COL23A1: variants seen among roughly 807,000 people sequenced by gnomAD.
COL23A1 encodes the protein collagen type XXIII alpha 1 chain, also known as collagen alpha-1(XXIII) chain.
COL23A1 carries 97 observed loss-of-function variants against 99.3 expected under a neutral mutation model. The observed-to-expected ratio is 0.98, with a 90% confidence interval of 0.83 to 1.16. COL23A1 has a LOEUF of 1.16. Ranked by LOEUF, COL23A1 falls within the 50% of genes most tolerant of loss-of-function variation. COL23A1 has a pLI of 0.00. For synonymous variants in COL23A1, 320 were observed against 308.2 expected (o/e 1.04, Z -0.40); for missense variants, 762 against 757.4 (o/e 1.01, Z -0.07).
At chr5:178,410,139 T>G (rs1213095645) in intron 2 of COL23A1, among the ~76,000 whole-genome samples, 1 of 152,190 alleles carries the variant, frequency 6.6e-6, no homozygotes, top group African/African-American at 2.4e-5. Context: ...GCTTACATAA[T>G]ACAGTATGAA....
At chr5:178,505,235 T>C (rs771570449) in intron 2 of COL23A1, among the ~76,000 whole-genome samples, 5 of 149,594 alleles carry the variant, frequency 3.3e-5, no homozygotes, top group Non-Finnish European at 4.5e-5. Context: ...AGGGTGTGTG[T>C]GTGTCTAAAT....
In COL23A1 at chr5:178,281,713, T is replaced by C. The variant is rs1328893881; in HGVS notation, c.441+6611A>G. 3.3e-5 allele frequency among the ~76,000 whole-genome samples: 5 copies of C among 152,208 alleles called. No individual in the cohort carries two copies. The highest frequency in any genetic ancestry group is 1.2e-4 in the African/African-American group (5 of 41,450). On this transcript the variant is annotated intron_variant, in intron 5 of 28. Transcript: ENST00000390654. This position sits in a 1 kb window ranked among gnomAD's most constrained non-coding sequence, Gnocchi z 4.0. ...GTAGCCAAGGAGGCCTTTTCTACTT[T>C]TTAATAATTAATTGATTGATTTAAA...
rs1005977767 is a variant in COL23A1 at position 178,590,199 on chromosome 5, G to A, written c.-2C>T. 4.1e-6 allele frequency: 5 copies of A among 1,212,890 alleles called. No homozygotes were observed. In the Admixed American group the frequency reaches 1.3e-4, roughly 32 times the overall value. The allele number at this position is 1,212,890 out of a possible 1,614,324, so 75.1% of individuals were successfully genotyped here. On this transcript the variant is annotated 5_prime_UTR_variant, in exon 1 of 29. Transcript: ENST00000390654. The surrounding 1 kb of genome is among the most constrained non-coding windows in gnomAD (Gnocchi z 5.7). ...ACCGGCGCGCTCGCCTGGGCCCATG[G>A]CGCGTTCGTCGCGCGTGGACTCTCC...
chr5:178,399,920 G>T (rs928276469), intron 2 of COL23A1, among the ~76,000 whole-genome samples: 1 of 152,158 alleles, frequency 6.6e-6, no homozygotes, highest in Admixed American at 6.5e-5. Flanking sequence ...GGATCCACCC[G>T]CGTCCATGCC....
chr5:178,282,050 T>A (rs1482104584), intron 5 of COL23A1, among the ~76,000 whole-genome samples: 2 of 26,566 alleles, frequency 7.5e-5, no homozygotes, highest in African/African-American at 1.6e-4. Context: ...AGACACTGTC[T>A]CCAAAAAAAA....
intron 2 of COL23A1, among the ~76,000 whole-genome samples, chr5:178,405,899 T>TA (rs1374248037): frequency 6.6e-6 from 1 of 152,192 alleles, no homozygotes; most frequent in Non-Finnish European, 1.5e-5. Context: ...GGTCAGGAGT[T>TA]AGAGATCAGC....
intron 2 of COL23A1, among the ~76,000 whole-genome samples, chr5:178,474,560 T>C (rs1002321969): frequency 6.6e-6 from 1 of 152,250 alleles, no homozygotes; most frequent in African/African-American, 2.4e-5. Context: ...AATCAGTGAA[T>C]TTGTCGTATT....
Position 178,306,962 on chromosome 5 carries a change from A to C in COL23A1, c.362-43T>G. 7.0e-7 allele frequency: 1 copy of C among 1,428,568 alleles called. No individual in the cohort carries two copies. The highest frequency in any genetic ancestry group is 9.3e-7 in the Non-Finnish European group (1 of 1,079,804). 88.5% of individuals were successfully genotyped at this position (1,428,568 alleles called of 1,614,324 possible). On this transcript the variant is annotated intron_variant, in intron 2 of 28. Transcript: ENST00000390654. This position sits in a 1 kb window ranked among gnomAD's most constrained non-coding sequence, Gnocchi z 4.1. ...AATGCATTCATTGAGAAGGGAAGCCAGTGGACTTGGCTGCGTGGGGCATGC... is the reference window on the plus strand; with the variant it reads ...AATGCATTCATTGAGAAGGGAAGCCCGTGGACTTGGCTGCGTGGGGCATGC...
chr5:178,483,171 A>G (rs1757432046), intron 2 of COL23A1, among the ~76,000 whole-genome samples: 1 of 152,242 alleles, frequency 6.6e-6, no homozygotes, highest in African/African-American at 2.4e-5. Flanking sequence ...CAGGTCACTG[A>G]TGACCATCTT....
intron 3 of COL23A1, among the ~76,000 whole-genome samples, chr5:178,302,226 C>T (rs71594788): frequency 1.6e-5 from 1 of 61,850 alleles, no homozygotes. Context: ...CTGTGTGCGC[C>T]GGAGCACAGC....
chr5:178,402,728 G>T (rs1210984014), intron 2 of COL23A1, among the ~76,000 whole-genome samples: 1 of 151,736 alleles, frequency 6.6e-6, no homozygotes, highest in African/African-American at 2.4e-5. Context: ...CTTAAAAAAA[G>T]AAAGAAAAAA....
chr5:178,464,281 A>G lies in COL23A1; in HGVS notation c.361+96401T>C, dbSNP rs370360884. 2.6e-5 allele frequency among the ~76,000 whole-genome samples: 4 copies of G among 151,224 alleles called. No individual in the cohort carries two copies. The East Asian group carries it at 7.8e-4, about 29-fold the overall frequency. On this transcript the variant is annotated intron_variant, in intron 2 of 28. Transcript: ENST00000390654. ...CTCTATGAATTTCACTACTCTAGGG[A>G]CCTCCTATGCGTAAAATCGTGCAGT...
chr5:178,255,367 C>T lies in COL23A1; in HGVS notation c.883-341G>A, dbSNP rs527880971. ...TGGCAACAAACAGAAAAGCCCCAAACCCTCCAAAACACAAAGACATGAGCA... is the reference window on the plus strand; with the variant it reads ...TGGCAACAAACAGAAAAGCCCCAAATCCTCCAAAACACAAAGACATGAGCA... On this transcript the variant is annotated intron_variant, in intron 15 of 28. Transcript: ENST00000390654. This position sits in a 1 kb window ranked among gnomAD's most constrained non-coding sequence, Gnocchi z 4.2. 5.3e-5 allele frequency among the ~76,000 whole-genome samples: 8 copies of T among 152,344 alleles called. No homozygotes were observed. Among genetic ancestry groups the T allele is most frequent in the African/African-American group, 1.9e-4 (8 of 41,578 alleles).
intron 2 of COL23A1, among the ~76,000 whole-genome samples, chr5:178,517,334 A>G (rs1759576812): frequency 1.3e-5 from 2 of 152,156 alleles, no homozygotes; most frequent in African/African-American, 4.8e-5. Context: ...CCCACACCAA[A>G]GGCACAGTGG....
intron 2 of COL23A1, among the ~76,000 whole-genome samples, chr5:178,412,437 T>C (rs1309437987): frequency 2.6e-5 from 4 of 152,350 alleles, no homozygotes; most frequent in African/African-American, 9.6e-5. Context: ...TACCACTAAA[T>C]ATAAACAAAT....
In COL23A1 at chr5:178,306,384, C is replaced by T. The variant is rs1004708453; in HGVS notation, c.406+491G>A. On this transcript the variant is annotated intron_variant, in intron 3 of 28. Coordinates refer to ENST00000390654, the MANE Select transcript of COL23A1 (RefSeq NM_173465.4). This position sits in a 1 kb window ranked among gnomAD's most constrained non-coding sequence, Gnocchi z 4.1. ...GGGGGAGTTCTGGGTGAAGCAGAGA[C>T]AGCAGGAAGGAAGGGTGGTGAATAC... Among the ~76,000 whole-genome samples the T allele has an allele frequency of 8.6e-5, 13 of 151,786 alleles. No homozygotes were observed. The highest frequency in any genetic ancestry group is 1.9e-4 in the Non-Finnish European group (13 of 67,922).
intron 2 of COL23A1, among the ~76,000 whole-genome samples, chr5:178,397,218 C>T (rs1404905195): frequency 1.3e-5 from 2 of 152,216 alleles, no homozygotes; most frequent in Non-Finnish European, 2.9e-5. Context: ...CTGCCGCCAC[C>T]AACATCCACT....
intron 22 of COL23A1, among the ~76,000 whole-genome samples, chr5:178,247,159 GAT>G (rs1764743328): frequency 1.4e-5 from 2 of 143,226 alleles, no homozygotes; most frequent in Non-Finnish European, 3.1e-5. Flanking sequence ...CTGAGAGACA[GAT>G]GTGTGTGGGG....
At chr5:178,406,730 C>A (rs1309009729) in intron 2 of COL23A1, among the ~76,000 whole-genome samples, 1 of 152,126 alleles carries the variant, frequency 6.6e-6, no homozygotes, top group African/African-American at 2.4e-5. Flanking sequence ...GCCTGGCTAC[C>A]TACACTCTTT....
Sources: gnomAD v4.1 joint callset for allele counts (sites outside exome capture counted in the v4.1 genomes callset) on GRCh38, gnomAD v4.1.1 for gene constraint, Gnocchi (gnomAD v3.1) non-coding constraint, MANE v1.5 for transcripts, NCBI Gene and HGNC (gene_info 2026-07-23, HGNC 2026-07-21) for gene names.